ALG10: variants seen among roughly 807,000 people sequenced by gnomAD.
ALG10 encodes the protein ALG10 alpha-1,2-glucosyltransferase, also known as dol-P-Glc:Glc(2)Man(9)GlcNAc(2)-PP-Dol alpha-1,2-glucosyltransferase A.
Under a neutral mutation model 39.2 loss-of-function variants are expected in ALG10, and 25 were observed. The ratio of observed to expected loss-of-function variants is 0.64; its 90% CI spans 0.46 to 0.89. The LOEUF (loss-of-function observed/expected upper bound fraction) is 0.89. Among genes scored for constraint, ALG10 ranks in the 40% least tolerant of loss-of-function variants. ALG10 has a pLI of 0.00. For missense variants in ALG10, 486 were observed against 546.6 expected (o/e 0.89, Z 1.11); for synonymous variants, 184 against 193.9 (o/e 0.95, Z 0.42).
intron 2 of ALG10, among the ~76,000 whole-genome samples, 189 bp downstream of exon 2, chr12:34,024,348 T>C (rs1942809536): frequency 6.6e-6 from 1 of 152,260 alleles, no homozygotes; most frequent in Non-Finnish European, 1.5e-5. Context: ...AATACTTGAA[T>C]AACTTATTTG....
At chr12:34,022,459 G>T, upstream of ALG10, 3 of 1,367,058 alleles carry the variant, frequency 2.2e-6, no homozygotes, top group Non-Finnish European at 3.1e-6. Context: ...CGCTCTCCCA[G>T]CATCCTTTGC....
chr12:34,024,585 C>T (rs1942811692), intron 2 of ALG10, among the ~76,000 whole-genome samples: 1 of 152,176 alleles, frequency 6.6e-6, no homozygotes, highest in Non-Finnish European at 1.5e-5. Flanking sequence ...CTCTCCCTGC[C>T]ACTTAACCAG....
rs762416427 is a variant in ALG10, at chr12:34,026,119, G to C, written c.626G>C (p.Trp209Ser). ...NVIAQKLTEAWKTELQKKEDR... is the reference protein window; with the variant it reads ...NVIAQKLTEASKTELQKKEDR... ...ATTGCACAAAAGTTAACGGAGGCTT[G>C]GAAAACTGAGCTACAAAAGAAGGAA... Residue 209 changes from tryptophan to serine, a missense_variant, in exon 3 of 3, where the codon TGG (tryptophan) becomes TCG (serine). Coordinates refer to ENST00000266483, the MANE Select transcript of ALG10 (RefSeq NM_032834.4). The C allele has an allele frequency of 1.2e-6, 2 of 1,614,004 alleles. No homozygotes were observed. Among genetic ancestry groups the C allele is most frequent in the Admixed American group, 3.3e-5 (2 of 60,002 alleles).
At chr12:34,022,868 C>G (rs550571973) in intron 1 of ALG10, 98 bp downstream of exon 1, 4 of 1,533,558 alleles carry the variant, frequency 2.6e-6, no homozygotes, top group East Asian at 4.5e-5. Context: ...CTGTTCCACC[C>G]CCTCAAGCCT....
chr12:34,025,483 G>A lies in ALG10; in HGVS notation c.370-380G>A, dbSNP rs538747946. On this transcript the variant is annotated intron_variant, in intron 2 of 2. Transcript: ENST00000266483. ...ATGGCTAAGTGAATCCTTACTGAAG[G>A]CACTAAAACATAAGCTCAGGGAAAT... Among the ~76,000 whole-genome samples, 6 of 152,198 alleles carry A rather than the reference G, an allele frequency of 3.9e-5. No homozygotes were observed. The South Asian group carries it at 1.2e-3, about 32-fold the overall frequency.
Position 34,026,138 on chromosome 12 carries a change from G to A in ALG10, c.645G>A (p.Lys215=), listed in dbSNP as rs1234003977. Residue 215 remains lysine (K), a synonymous_variant, in exon 3 of 3, where the codon AAG becomes AAA. Transcript: ENST00000266483. The part of the protein sequence containing the change: ...LTEAWKTELQ[K]KEDRLPPIKG... ...AGGCTTGGAAAACTGAGCTACAAAAGAAGGAAGACAGACTTCCACCTATTA... is the reference window on the plus strand; with the variant it reads ...AGGCTTGGAAAACTGAGCTACAAAAAAAGGAAGACAGACTTCCACCTATTA... The A allele has an allele frequency of 6.2e-7, 1 of 1,614,046 alleles. No homozygotes were observed. Among genetic ancestry groups the A allele is most frequent in the Admixed American group, 1.7e-5 (1 of 60,012 alleles).
chr12:34,026,218 T>C lies in ALG10; in HGVS notation c.725T>C (p.Met242Thr), dbSNP rs1200931198. The C allele has an allele frequency of 6.2e-7, 1 of 1,614,002 alleles. No homozygotes were observed. The highest frequency in any genetic ancestry group is 8.5e-7 in the Non-Finnish European group (1 of 1,179,986). The part of the protein sequence containing the change: ...KILQFLLAYS[M>T]SFKNLSMLLL... ...CTTCAGTTTCTTTTGGCTTATTCCA[T>C]GTCCTTTAAAAACTTGAGTATGCTT... is the stretch of plus-strand genomic sequence containing the variant. The change falls in exon 3 of 3, where the codon ATG (methionine) becomes ACG (threonine). Residue 242 changes from methionine to threonine, a missense_variant. Transcript: ENST00000266483.
In ALG10 at chr12:34,027,062, A is replaced by T. The variant is rs1356473341; in HGVS notation, c.*147A>T. On this transcript the variant is annotated 3_prime_UTR_variant, in exon 3 of 3. Coordinates refer to ENST00000266483, the MANE Select transcript of ALG10 (RefSeq NM_032834.4). ...TTAGTTTTTTTTATATATATTTTAA[A>T]CATATGTAAGAAATTAAGTGGCAAA... 1 of 828,908 alleles carries T rather than the reference A, an allele frequency of 1.2e-6. No individual in the cohort carries two copies. The highest frequency in any genetic ancestry group is 2.8e-5 in the South Asian group (1 of 35,648). 51.3% of individuals were successfully genotyped at this position (828,908 alleles called of 1,614,324 possible).
Position 34,027,113 on chromosome 12 carries a change from T to C in ALG10, c.*198T>C, listed in dbSNP as rs1268186520. On this transcript the variant is annotated 3_prime_UTR_variant, in exon 3 of 3. Coordinates refer to ENST00000266483, the MANE Select transcript of ALG10 (RefSeq NM_032834.4). ...GAACTGAGAAAGCTTAAGACCTGCT[T>C]CAAAAGCCTGAAAAATGGAAAAATA... 5.9e-6 allele frequency: 3 copies of C among 505,000 alleles called. No homozygotes were observed. In the African/African-American group the frequency reaches 6.0e-5, roughly 10 times the overall value. 31.3% of individuals were successfully genotyped at this position (505,000 alleles called of 1,614,324 possible).
rs1942854087 is a variant in ALG10 at position 34,027,948 on chromosome 12, GTCTTC to G, written c.*1039_*1043del. 6.6e-6 allele frequency: 1 copy of G among 152,148 alleles called. No individual in the cohort carries two copies. Among genetic ancestry groups the G allele is most frequent in the Admixed American group, 6.5e-5 (1 of 15,268 alleles). The allele number at this position is 152,148 out of a possible 1,614,324, so 9.4% of individuals were successfully genotyped here. A position where few individuals can be genotyped will look rare whatever the true frequency, so the allele number is the denominator to read the frequency against. On this transcript the variant is annotated 3_prime_UTR_variant, in exon 3 of 3. Coordinates refer to ENST00000266483, the MANE Select transcript of ALG10 (RefSeq NM_032834.4). ...CTGTGTTCACACGGCCTTTCCCTCT[GTCTTC>G]TCTTCATTACCTTTTAAGGACAGTG...
chr12:34,023,718 T>TA lies in ALG10; in HGVS notation c.172-243dup, dbSNP rs1168443879. On this transcript the variant is annotated intron_variant, in intron 1 of 2. Coordinates refer to ENST00000266483, the MANE Select transcript of ALG10 (RefSeq NM_032834.4). ...CTTTTAAAGAACATTTCTTGGAAAA[T>TA]AGAAATAGATTTTAAGTTGTTGTTG... 2.1e-5 allele frequency: 11 copies of TA among 525,912 alleles called. No individual in the cohort carries two copies. The East Asian group carries it at 3.7e-4, about 18-fold the overall frequency. 32.6% of individuals were successfully genotyped at this position (525,912 alleles called of 1,614,324 possible).
At chr12:34,022,471 T>C (rs1300919195), upstream of ALG10, 2 of 1,468,764 alleles carry the variant, frequency 1.4e-6, no homozygotes, top group Admixed American at 1.7e-5. Flanking sequence ...ATCCTTTGCC[T>C]TCCGGTATGT....
Position 34,027,026 on chromosome 12 carries a change from T to C in ALG10, c.*111T>C, listed in dbSNP as rs1194550507. ...ATTTCTTTTAGGTGCAGTGGTGGTC[T>C]TCAAATTACATTAGTTTTTTTTATA... On this transcript the variant is annotated 3_prime_UTR_variant, in exon 3 of 3. Coordinates refer to ENST00000266483, the MANE Select transcript of ALG10 (RefSeq NM_032834.4). The C allele has an allele frequency of 2.3e-5, 27 of 1,164,716 alleles. No individual in the cohort carries two copies. The highest frequency in any genetic ancestry group is 7.5e-5 in the South Asian group (4 of 53,048). 72.1% of individuals were successfully genotyped at this position (1,164,716 alleles called of 1,614,324 possible). A position where few individuals can be genotyped will look rare whatever the true frequency, so the allele number is the denominator to read the frequency against.
rs1448525414 is a variant in ALG10 at position 34,026,911 on chromosome 12, G to T, written c.1418G>T (p.Trp473Leu). ...PNSQDIQRFM[W>L] ...AGTCAGGACATTCAAAGGTTTATGT[G>T]GTAATATCAGTGATATTTCGAACTG... The change falls in exon 3 of 3, where the codon TGG (tryptophan) becomes TTG (leucine). Residue 473 changes from tryptophan to leucine, a missense_variant. Coordinates refer to ENST00000266483, the MANE Select transcript of ALG10 (RefSeq NM_032834.4). The T allele has an allele frequency of 2.5e-6, 4 of 1,612,510 alleles. No homozygotes were observed. The highest frequency in any genetic ancestry group is 3.4e-6 in the Non-Finnish European group (4 of 1,179,292).
chr12:34,027,877 C>A lies in ALG10; in HGVS notation c.*962C>A, dbSNP rs1000087603. The A allele has an allele frequency of 1.3e-5, 2 of 152,178 alleles. No individual in the cohort carries two copies. Among genetic ancestry groups the A allele is most frequent in the African/African-American group, 4.8e-5 (2 of 41,438 alleles). 9.4% of individuals were successfully genotyped at this position (152,178 alleles called of 1,614,324 possible). On this transcript the variant is annotated 3_prime_UTR_variant, in exon 3 of 3. Coordinates refer to ENST00000266483, the MANE Select transcript of ALG10 (RefSeq NM_032834.4). ...GGAGTTCTTTGGCTTCTGGACAAAT[C>A]TTGTCCAAGTATTGCAGACAGCAAT... is the stretch of plus-strand genomic sequence containing the variant.
chr12:34,025,051 A>C (rs1173896830), intron 2 of ALG10, among the ~76,000 whole-genome samples: 1 of 152,144 alleles, frequency 6.6e-6, no homozygotes, highest in African/African-American at 2.4e-5. Flanking sequence ...GTTGCAGGGA[A>C]TTGGTCTTGG....
In ALG10 at chr12:34,026,470, T is replaced by C. The variant is rs1240608718; in HGVS notation, c.977T>C (p.Phe326Ser). 2 of 1,613,948 alleles carry C rather than the reference T, an allele frequency of 1.2e-6. No individual in the cohort carries two copies. Among genetic ancestry groups the C allele is most frequent in the Non-Finnish European group, 1.7e-6 (2 of 1,179,976 alleles). Reference sequence around the variant, plus strand: ...TTAGTTTGGAAACGTAGAATTCTGTTTTTTGTGGTTACCTTAGTCTCTGTG... The same window carrying C: ...TTAGTTTGGAAACGTAGAATTCTGTCTTTTGTGGTTACCTTAGTCTCTGTG... ...LSLVWKRRIL[F>S]FVVTLVSVFL... Residue 326 changes from phenylalanine to serine, a missense_variant, in exon 3 of 3, where the codon TTT becomes TCT. Transcript: ENST00000266483.
rs1000118372 is a variant in ALG10, at chr12:34,028,173, G to A, written c.*1258G>A. The A allele has an allele frequency of 1.3e-5, 2 of 151,972 alleles. No homozygotes were observed. The highest frequency in any genetic ancestry group is 2.9e-5 in the Non-Finnish European group (2 of 67,996). The allele number at this position is 151,972 out of a possible 1,614,324, so 9.4% of individuals were successfully genotyped here. On this transcript the variant is annotated 3_prime_UTR_variant, in exon 3 of 3. Coordinates refer to ENST00000266483, the MANE Select transcript of ALG10 (RefSeq NM_032834.4). ...GATAGTCTTCATATGATTGTTAGGA[G>A]ACTACCTTTTTAGATTTTTTTTATT...
At chr12:34,023,505 A>G (rs1354040428) in intron 1 of ALG10, 1 of 187,602 alleles carries the variant, frequency 5.3e-6, no homozygotes, top group Non-Finnish European at 1.1e-5. Flanking sequence ...CAAAATGACA[A>G]TAATCTTTAC....
Sources: gnomAD v4.1 joint callset for allele counts (sites outside exome capture counted in the v4.1 genomes callset) on GRCh38, gnomAD v4.1.1 for gene constraint, MANE v1.5 for transcripts, NCBI Gene and HGNC (gene_info 2026-07-23, HGNC 2026-07-21) for gene names.